The following STARD13 variants were observed in gnomAD, a reference collection of about 807,000 sequenced individuals.
The protein encoded by STARD13 is stAR-related lipid transfer protein 13.
In STARD13, 62 loss-of-function variants were observed where a neutral mutation model predicts 106.4. The ratio of observed to expected loss-of-function variants is 0.58; its 90% CI spans 0.48 to 0.72. The LOEUF (loss-of-function observed/expected upper bound fraction) is 0.72, where lower values mean the gene tolerates loss of function less well. STARD13 is among the 30% of genes least tolerant of loss of function. The probability of loss-of-function intolerance (pLI) is 0.00; values close to 1 mark genes in which losing one functional copy is unlikely to be tolerated. For synonymous variants in STARD13, 565 were observed against 553.0 expected, an observed-to-expected ratio of 1.02 and a Z score of -0.31; for missense variants, 1,387 against 1,424.0, an observed-to-expected ratio of 0.97 and a Z score of 0.42.
At chr13:33,205,962 C>A (rs1458962495) in intron 1 of STARD13, 24 of 985,378 alleles carry the variant, frequency 2.4e-5, no homozygotes, top group Non-Finnish European at 2.7e-5. Flanking sequence ...TCTTCGTTAT[C>A]TCTGCCAGCT....
chr13:33,474,807 T>C, the STARD13 span, among the ~76,000 whole-genome samples: 1 of 152,180 alleles, frequency 6.6e-6, no homozygotes, highest in Non-Finnish European at 1.5e-5. Context: ...TCATTTACTT[T>C]TGTTGGTTTA....
chr13:33,280,313 G>A (rs1469791651), intron 1 of STARD13: 1 of 152,096 alleles, frequency 6.6e-6, no homozygotes, highest in Non-Finnish European at 1.5e-5. Flanking sequence ...TTAAAAGGCA[G>A]TATATCCCAC....
the STARD13 span, among the ~76,000 whole-genome samples, chr13:33,529,165 G>A: frequency 2.6e-5 from 4 of 152,050 alleles, 1 homozygote; most frequent in Non-Finnish European, 5.9e-5. Flanking sequence ...AGGAACCAGG[G>A]ACCAAACATA....
At chr13:33,532,334 C>A in the STARD13 span, among the ~76,000 whole-genome samples, 1 of 152,248 alleles carries the variant, frequency 6.6e-6, no homozygotes, top group East Asian at 1.9e-4. Context: ...AAATCATGTG[C>A]TCTTTTCCCC....
At chr13:33,321,952 T>C (rs1458852369) in intron 1 of STARD13, among the ~76,000 whole-genome samples, 1 of 152,242 alleles carries the variant, frequency 6.6e-6, no homozygotes, top group Non-Finnish European at 1.5e-5. Context: ...AATTTGTGCA[T>C]CAGGCTAAGG....
intron 3 of STARD13, among the ~76,000 whole-genome samples, chr13:33,146,467 T>C (rs1880557103): frequency 6.6e-6 from 1 of 152,164 alleles, no homozygotes; most frequent in Non-Finnish European, 1.5e-5. Context: ...CTGGGTGACA[T>C]AGTAGGACCC....
At chr13:33,358,416 A>G in the STARD13 span, among the ~76,000 whole-genome samples, 224 of 152,336 alleles carry the variant, frequency 1.5e-3, no homozygotes, top group Admixed American at 3.9e-3. Context: ...CCGGTGTGGG[A>G]TCCACTAGAT....
intron 1 of STARD13, among the ~76,000 whole-genome samples, chr13:33,252,968 C>T (rs1006582313): frequency 6.6e-6 from 1 of 152,168 alleles, no homozygotes; most frequent in African/African-American, 2.4e-5. Context: ...GCCCATGTCA[C>T]AGATGATCTG....
chr13:33,471,256 A>G, the STARD13 span, among the ~76,000 whole-genome samples: 1 of 152,194 alleles, frequency 6.6e-6, no homozygotes, highest in African/African-American at 2.4e-5. Context: ...AAAGAGTATG[A>G]AATTGCCCTA....
the STARD13 span, among the ~76,000 whole-genome samples, chr13:33,503,132 T>G: frequency 1.3e-5 from 2 of 152,154 alleles, no homozygotes; most frequent in African/African-American, 2.4e-5. Flanking sequence ...GTCCAGGAAT[T>G]TATCCATTTC....
the STARD13 span, among the ~76,000 whole-genome samples, chr13:33,653,064 A>G: frequency 1.3e-5 from 2 of 152,206 alleles, no homozygotes; most frequent in South Asian, 2.1e-4. Context: ...TGCCTCTTGG[A>G]TTGAACAACT....
At chr13:33,476,726 C>A in the STARD13 span, among the ~76,000 whole-genome samples, 21 of 152,180 alleles carry the variant, frequency 1.4e-4, no homozygotes, top group African/African-American at 4.3e-4. Flanking sequence ...CCAGTAGACA[C>A]CAAATAACAG....
intron 1 of STARD13, among the ~76,000 whole-genome samples, chr13:33,266,461 T>G (rs947741046): frequency 2.0e-5 from 3 of 152,212 alleles, no homozygotes; most frequent in Admixed American, 6.5e-5. Context: ...CTATTACCTA[T>G]CAAATAAATT....
the STARD13 span, among the ~76,000 whole-genome samples, chr13:33,399,570 T>G: frequency 6.6e-6 from 1 of 151,540 alleles, no homozygotes; most frequent in Non-Finnish European, 1.5e-5. Context: ...GCGTGGTGGC[T>G]GGTGCCTGTA....
intron 1 of STARD13, among the ~76,000 whole-genome samples, chr13:33,200,901 C>T (rs538435699): frequency 6.6e-6 from 1 of 152,094 alleles, no homozygotes; most frequent in South Asian, 2.1e-4. Context: ...TGGCAGGCGC[C>T]TGTGGTCCCA....
At chr13:33,347,493 C>T (rs1257684678), downstream of STARD13, among the ~76,000 whole-genome samples, 4 of 152,050 alleles carry the variant, frequency 2.6e-5, no homozygotes, top group African/African-American at 9.7e-5. Flanking sequence ...GTGATCTGCC[C>T]GCCTTGACCT....
chr13:33,532,510 A>G, the STARD13 span, among the ~76,000 whole-genome samples: 1 of 152,108 alleles, frequency 6.6e-6, no homozygotes, highest in East Asian at 1.9e-4. Context: ...AATAATTTTT[A>G]GCATTTCTTC....
At chr13:33,579,169 A>G in the STARD13 span, among the ~76,000 whole-genome samples, 3 of 152,142 alleles carry the variant, frequency 2.0e-5, no homozygotes, top group Non-Finnish European at 4.4e-5. Context: ...TCAAAGGAAA[A>G]TAAATAATTA....
chr13:33,443,130 G>T, the STARD13 span, among the ~76,000 whole-genome samples: 14 of 152,088 alleles, frequency 9.2e-5, no homozygotes, highest in African/African-American at 3.4e-4. Flanking sequence ...TGTAATCCCA[G>T]CACTTTGGGA....
Sources: gnomAD v4.1 joint callset for allele counts (sites outside exome capture counted in the v4.1 genomes callset) on GRCh38, gnomAD v4.1.1 for gene constraint, MANE v1.5 for transcripts, NCBI Gene and HGNC (gene_info 2026-07-23, HGNC 2026-07-21) for gene names.